The following SLC4A7 variants were observed in gnomAD, a reference collection of about 807,000 sequenced individuals.
SLC4A7 encodes solute carrier family 4 member 7.
In SLC4A7, 51 loss-of-function variants were observed where a neutral mutation model predicts 137.6. The ratio of observed to expected loss-of-function variants is 0.37; its 90% CI spans 0.30 to 0.47. SLC4A7 has a LOEUF of 0.47. Ranked by LOEUF, SLC4A7 falls within the 20% of genes least tolerant of loss-of-function variation. SLC4A7 has a pLI of 1.00. For synonymous variants in SLC4A7, 542 were observed against 518.6 expected (o/e 1.05, Z -0.61); for missense variants, 1,247 against 1,525.4 (o/e 0.82, Z 3.04).
chr3:27,441,708 G>A (rs1365114867), intron 3 of SLC4A7, among the ~76,000 whole-genome samples: 1 of 152,018 alleles, frequency 6.6e-6, no homozygotes, highest in Non-Finnish European at 1.5e-5. Context: ...GGCTGGTCTT[G>A]AACTCCTGGC....
At chr3:27,399,214 T>C (rs902099621) in intron 16 of SLC4A7, among the ~76,000 whole-genome samples, 17 of 152,044 alleles carry the variant, frequency 1.1e-4, no homozygotes, top group African/African-American at 3.9e-4. Flanking sequence ...ATCATGAAAA[T>C]AAAAGCTATA....
chr3:27,382,490 T>C (rs1030385693), intron 24 of SLC4A7, among the ~76,000 whole-genome samples: 6 of 152,306 alleles, frequency 3.9e-5, no homozygotes, highest in African/African-American at 1.2e-4. Context: ...TACACAAATA[T>C]AGGTTAATCT....
At chr3:27,444,656 G>C (rs982882141) in intron 3 of SLC4A7, among the ~76,000 whole-genome samples, 1 of 151,988 alleles carries the variant, frequency 6.6e-6, no homozygotes, top group Non-Finnish European at 1.5e-5. Flanking sequence ...ATTTCCATTT[G>C]GGGCTTCCTC....
At chr3:27,409,122 C>G (rs555495955) in intron 13 of SLC4A7, among the ~76,000 whole-genome samples, 1 of 152,300 alleles carries the variant, frequency 6.6e-6, no homozygotes, top group Admixed American at 6.5e-5. Flanking sequence ...ATTCATCCAG[C>G]AAGCCAAAGT....
At chr3:27,454,193 C>T (rs1167224600) in intron 1 of SLC4A7, among the ~76,000 whole-genome samples, 5 of 152,224 alleles carry the variant, frequency 3.3e-5, no homozygotes, top group South Asian at 2.1e-4. Context: ...AGGCTAGGCA[C>T]GGTGGCTCAC....
intron 11 of SLC4A7, among the ~76,000 whole-genome samples, chr3:27,413,214 T>C (rs1028078822): frequency 4.1e-4 from 63 of 152,274 alleles, no homozygotes; most frequent in African/African-American, 1.4e-3. Flanking sequence ...GAAAATGATT[T>C]ACCAAAACTG....
Position 27,462,614 on chromosome 3 carries a change from C to T in SLC4A7, c.61-10116G>A, listed in dbSNP as rs1030522842. On this transcript the variant is annotated intron_variant, in intron 1 of 25. Transcript: ENST00000454389. ...GAACAGAGGCGCAAAGGAAAGGAAT[C>T]TTAAAAGGACCAGTTCAGATGCCTA... is the stretch of plus-strand genomic sequence containing the variant. 8 of 160,434 alleles carry T rather than the reference C, an allele frequency of 5.0e-5. No individual in the cohort carries two copies. The South Asian group carries it at 8.3e-4, about 17-fold the overall frequency. 9.9% of individuals were successfully genotyped at this position (160,434 alleles called of 1,614,324 possible).
At chr3:27,475,841 T>C (rs2059439729) in intron 1 of SLC4A7, among the ~76,000 whole-genome samples, 1 of 152,226 alleles carries the variant, frequency 6.6e-6, no homozygotes, top group Admixed American at 6.5e-5. Flanking sequence ...ACTGAGTTGG[T>C]GCATTGGCTA....
intron 1 of SLC4A7, among the ~76,000 whole-genome samples, chr3:27,459,933 C>T (rs2150610814): frequency 6.6e-6 from 1 of 150,734 alleles, no homozygotes; most frequent in South Asian, 2.1e-4. Flanking sequence ...CACCCATATC[C>T]TTTCATTTAC....
chr3:27,380,831 C>T (rs2050351471), intron 24 of SLC4A7, among the ~76,000 whole-genome samples: 1 of 152,120 alleles, frequency 6.6e-6, no homozygotes, highest in African/African-American at 2.4e-5. Context: ...TTGCCTACCC[C>T]GAGTAAACAT....
chr3:27,409,412 T>C lies in SLC4A7; in HGVS notation c.1885A>G (p.Met629Val). 6.2e-7 allele frequency: 1 copy of C among 1,613,820 alleles called. No homozygotes were observed. The highest frequency in any genetic ancestry group is 8.5e-7 in the Non-Finnish European group (1 of 1,179,814). ...CCTCCAAAAGTGATTACAGGAGACA[T>C]ACAGGCACAGTATAGGAAAAGAATC... ...ASILFLYCAC[M>V]SPVITFGGLL... Residue 629 changes from methionine to valine, a missense_variant, in exon 13 of 26, where the codon ATG becomes GTG. Coordinates refer to ENST00000454389, the MANE Select transcript of SLC4A7 (RefSeq NM_001321103.2).
chr3:27,436,384 T>C lies in SLC4A7; in HGVS notation c.589+4A>G. 1.2e-6 allele frequency: 2 copies of C among 1,606,532 alleles called. No homozygotes were observed. Among genetic ancestry groups the C allele is most frequent in the Non-Finnish European group, 1.7e-6 (2 of 1,176,092 alleles). On this transcript the variant is annotated splice_donor_region_variant and intron_variant, in intron 5 of 25. Transcript: ENST00000454389. The stretch of plus-strand genomic sequence containing the variant: ...ATATTTTTTAAAAGTCAGTTTACTA[T>C]AACCTGCTATTTCATCTAGAGTGCT...
intron 12 of SLC4A7, among the ~76,000 whole-genome samples, chr3:27,410,737 G>C (rs2053822256): frequency 6.6e-6 from 1 of 152,142 alleles, no homozygotes; most frequent in Non-Finnish European, 1.5e-5. Flanking sequence ...AGCGATAATA[G>C]CTAATAATAC....
intron 18 of SLC4A7, 75 bp downstream of exon 18, chr3:27,397,609 C>A (rs2052325278): frequency 2.7e-6 from 2 of 730,338 alleles, no homozygotes; most frequent in Non-Finnish European, 2.4e-6. Context: ...ACAATAACTA[C>A]TGAGAAAATA....
chr3:27,395,548 T>C (rs941401726), intron 18 of SLC4A7, among the ~76,000 whole-genome samples: 3 of 152,172 alleles, frequency 2.0e-5, no homozygotes, highest in Non-Finnish European at 2.9e-5. Flanking sequence ...ATCCTCAATA[T>C]AGTCTATATG....
At chr3:27,465,245 C>T (rs967488321) in intron 1 of SLC4A7, among the ~76,000 whole-genome samples, 1 of 144,652 alleles carries the variant, frequency 6.9e-6, no homozygotes, top group African/African-American at 2.6e-5. Context: ...ACCGAGATGG[C>T]ACCACTGCAC....
Position 27,424,152 on chromosome 3 carries a change from C to T in SLC4A7, c.1151G>A (p.Gly384Asp), listed in dbSNP as rs1417733296. 6.6e-7 allele frequency: 1 copy of T among 1,526,460 alleles called. No homozygotes were observed. The highest frequency in any genetic ancestry group is 9.0e-7 in the Non-Finnish European group (1 of 1,113,572). 94.6% of individuals were successfully genotyped at this position (1,526,460 alleles called of 1,614,324 possible). ...AGCAGACTGGGGAGAGGCCAAAATACCTATGTTTAAAGACAAATTCCAAAT... is the reference window on the plus strand; with the variant it reads ...AGCAGACTGGGGAGAGGCCAAAATATCTATGTTTAAAGACAAATTCCAAAT... ...KNEENVDLTP[G>D]ILASPQSAPG... Residue 384 changes from glycine (G) to aspartate (D), a missense_variant and splice_region_variant, in exon 8 of 26, where the codon GGT becomes GAT. Gly to Asp is a moderately conservative substitution (Grantham distance 94). Coordinates refer to ENST00000454389, the MANE Select transcript of SLC4A7 (RefSeq NM_001321103.2).
At chr3:27,474,768 AG>A (rs34911063) in intron 1 of SLC4A7, among the ~76,000 whole-genome samples, 2 of 152,188 alleles carry the variant, frequency 1.3e-5, no homozygotes, top group Non-Finnish European at 2.9e-5. Flanking sequence ...TGCTTTAATT[AG>A]GCTTTTAAAC....
chr3:27,419,429 GTGGTGGC>G (rs1195676786), intron 10 of SLC4A7, among the ~76,000 whole-genome samples: 1 of 151,720 alleles, frequency 6.6e-6, no homozygotes, highest in Admixed American at 6.6e-5. Context: ...TTAGCCAGGT[GTGGTGGC>G]GTATGCCTGT....
Sources: gnomAD v4.1 joint callset for allele counts (sites outside exome capture counted in the v4.1 genomes callset) on GRCh38, gnomAD v4.1.1 for gene constraint, MANE v1.5 for transcripts, NCBI Gene and HGNC (gene_info 2026-07-23, HGNC 2026-07-21) for gene names.